CDKAL1: variants seen among roughly 807,000 people sequenced by gnomAD.
The protein encoded by CDKAL1 is CDKAL1 threonylcarbamoyladenosine tRNA methylthiotransferase, also known as threonylcarbamoyladenosine tRNA methylthiotransferase.
Under a neutral mutation model 68.2 loss-of-function variants are expected in CDKAL1, and 32 were observed. The observed-to-expected ratio is 0.47, with a 90% CI of 0.35 to 0.63. CDKAL1 has a LOEUF of 0.63. Among genes scored for constraint, CDKAL1 ranks in the 30% least tolerant of loss-of-function variants. CDKAL1 has a pLI of 0.00. For synonymous variants in CDKAL1, 234 were observed against 244.3 expected, an observed-to-expected ratio of 0.96 and a Z score of 0.39; for missense variants, 606 against 696.7, an observed-to-expected ratio of 0.87 and a Z score of 1.47.
intron 15 of CDKAL1, among the ~76,000 whole-genome samples, chr6:21,204,292 C>T (rs1210979193): frequency 2.6e-5 from 4 of 152,122 alleles, no homozygotes; most frequent in African/African-American, 9.7e-5. Flanking sequence ...TATTACCCAC[C>T]CTTAGCAGTC....
At chr6:20,698,149 A>T (rs187591955) in intron 5 of CDKAL1, among the ~76,000 whole-genome samples, 37 of 152,260 alleles carry the variant, frequency 2.4e-4, no homozygotes, top group African/African-American at 8.9e-4. Context: ...TGTGTATTGC[A>T]GTGTGTCTGT....
At chr6:20,567,233 C>A (rs998297594) in intron 4 of CDKAL1, among the ~76,000 whole-genome samples, 1 of 148,196 alleles carries the variant, frequency 6.7e-6, no homozygotes. Flanking sequence ...ATGGCAAAGA[C>A]CACGATTACT....
At chr6:20,677,517 C>T (rs1770173323) in intron 5 of CDKAL1, among the ~76,000 whole-genome samples, 1 of 152,074 alleles carries the variant, frequency 6.6e-6, no homozygotes, top group African/African-American at 2.4e-5. Context: ...CTCCCAGGTT[C>T]AAGCGATTCT....
chr6:20,782,113 C>T (rs1306910576), intron 8 of CDKAL1, among the ~76,000 whole-genome samples: 1 of 152,180 alleles, frequency 6.6e-6, no homozygotes, highest in African/African-American at 2.4e-5. Flanking sequence ...TCTCTGAATC[C>T]AATGGCTTTA....
At chr6:21,044,147 CCT>C (rs151173084) in intron 11 of CDKAL1, among the ~76,000 whole-genome samples, 3,589 of 152,164 alleles carry the variant, frequency 0.024, 58 homozygotes, top group Non-Finnish European at 0.034. Context: ...CTTTTTCCTC[CCT>C]GTGTTATTCT....
At chr6:20,895,812 C>A (rs1011550638) in intron 9 of CDKAL1, among the ~76,000 whole-genome samples, 2 of 152,124 alleles carry the variant, frequency 1.3e-5, no homozygotes, top group Admixed American at 1.3e-4. Context: ...TGTCCAGTTG[C>A]GTGATTACTA....
At chr6:21,072,315 C>T (rs1771820660) in intron 12 of CDKAL1, among the ~76,000 whole-genome samples, 1 of 152,150 alleles carries the variant, frequency 6.6e-6, no homozygotes, top group Non-Finnish European at 1.5e-5. Context: ...TGTCTTCTTT[C>T]TGGGAGCTTG....
At chr6:20,972,879 A>C (rs1003091839) in intron 10 of CDKAL1, among the ~76,000 whole-genome samples, 1 of 152,164 alleles carries the variant, frequency 6.6e-6, no homozygotes, top group Non-Finnish European at 1.5e-5. Flanking sequence ...ATGTTTTCAC[A>C]TATCAACTGG....
At chr6:21,211,294 T>A (rs1395427880) in intron 15 of CDKAL1, among the ~76,000 whole-genome samples, 1 of 152,204 alleles carries the variant, frequency 6.6e-6, no homozygotes. Flanking sequence ...GTATAAAGAC[T>A]GGGACCTCTG....
intron 7 of CDKAL1, among the ~76,000 whole-genome samples, chr6:20,774,507 A>C (rs1212276459): frequency 6.6e-6 from 1 of 152,126 alleles, no homozygotes; most frequent in Non-Finnish European, 1.5e-5. Flanking sequence ...TCTAGTATAC[A>C]TGGGTGGGAT....
chr6:21,085,577 A>G (rs1372612173), intron 12 of CDKAL1, among the ~76,000 whole-genome samples: 5 of 152,200 alleles, frequency 3.3e-5, no homozygotes, highest in African/African-American at 1.2e-4. Context: ...TTTTCACTAC[A>G]TGAAAGATAT....
chr6:20,726,579 A>ACAT (rs1315429833), intron 5 of CDKAL1, among the ~76,000 whole-genome samples: 9 of 152,342 alleles, frequency 5.9e-5, no homozygotes, highest in African/African-American at 1.9e-4. Flanking sequence ...CAGGGAAGTG[A>ACAT]CATCCCAAAG....
rs1772562339 is a variant in CDKAL1, at chr6:21,084,009, G to A, written c.1236+18781G>A. Among the ~76,000 whole-genome samples, 3 of 152,124 alleles carry A rather than the reference G, an allele frequency of 2.0e-5. 1 individual carries two copies. In the South Asian group the frequency reaches 6.2e-4, roughly 32 times the overall value. On this transcript the variant is annotated intron_variant, in intron 12 of 15. Coordinates refer to ENST00000274695, the MANE Select transcript of CDKAL1 (RefSeq NM_017774.3). ...GATCACTTGGTTCAGGTGTTAGCTG[G>A]TTTGTCTAGTTTCTTCACTACGTAG...
At chr6:20,934,137 T>A (rs990926769) in intron 9 of CDKAL1, among the ~76,000 whole-genome samples, 1 of 152,174 alleles carries the variant, frequency 6.6e-6, no homozygotes, top group Non-Finnish European at 1.5e-5. Flanking sequence ...GAGAGCAATA[T>A]GATTGAAGGC....
rs188368181 is a variant in CDKAL1 at position 20,976,418 on chromosome 6, G to T, written c.909+20833G>T. 3.3e-5 allele frequency among the ~76,000 whole-genome samples: 5 copies of T among 152,264 alleles called. 1 individual carries two copies. The highest frequency in any genetic ancestry group is 3.9e-4 in the East Asian group (2 of 5,182). ...GAAATTAGAATAAATGAATCCATTT[G>T]TTCCTTCATTTATGATGACTGGACC... On this transcript the variant is annotated intron_variant, in intron 10 of 15. Coordinates refer to ENST00000274695, the MANE Select transcript of CDKAL1 (RefSeq NM_017774.3).
At chr6:20,883,888 T>G (rs1271648108) in intron 9 of CDKAL1, among the ~76,000 whole-genome samples, 1 of 152,226 alleles carries the variant, frequency 6.6e-6, no homozygotes, top group East Asian at 1.9e-4. Context: ...ATGGCATCAC[T>G]GGTGAATTCT....
chr6:20,564,322 T>C (rs1011015339), intron 4 of CDKAL1, among the ~76,000 whole-genome samples: 1 of 152,220 alleles, frequency 6.6e-6, no homozygotes, highest in African/African-American at 2.4e-5. Flanking sequence ...TCTACTCACC[T>C]TTCATCTGTT....
intron 5 of CDKAL1, among the ~76,000 whole-genome samples, chr6:20,725,412 T>A (rs1056992477): frequency 6.6e-5 from 10 of 152,230 alleles, no homozygotes; most frequent in Non-Finnish European, 1.5e-4. Flanking sequence ...AGGTGAGTTT[T>A]GAATGCAGTG....
At chr6:20,626,010 C>T (rs1009800260) in intron 4 of CDKAL1, among the ~76,000 whole-genome samples, 10 of 152,112 alleles carry the variant, frequency 6.6e-5, no homozygotes, top group African/African-American at 2.4e-4. Flanking sequence ...TCTGGAGTTA[C>T]TTTTGGTGGG....
Sources: allele counts gnomAD v4.1 joint callset (sites outside exome capture counted in the v4.1 genomes callset), GRCh38; gene constraint gnomAD v4.1.1; transcripts MANE v1.5; gene names NCBI Gene and HGNC (gene_info 2026-07-23, HGNC 2026-07-21).